The following TECTA variants were observed in gnomAD, a reference collection of about 807,000 sequenced individuals.
TECTA encodes tectorin alpha, also known as alpha-tectorin.
Under a neutral mutation model 216.8 loss-of-function variants are expected in TECTA, and 128 were observed. That is an observed-to-expected ratio of 0.59 (90% CI 0.51 to 0.68). The LOEUF is 0.68. TECTA is among the 30% of genes least tolerant of loss of function. TECTA has a pLI of 0.00. For synonymous variants in TECTA, 1,089 were observed against 1,117.1 expected, an observed-to-expected ratio of 0.97 and a Z score of 0.50; for missense variants, 2,551 against 2,786.2, an observed-to-expected ratio of 0.92 and a Z score of 1.90.
At chr11:121,162,766 C>T (rs1947014665) in intron 16 of TECTA, among the ~76,000 whole-genome samples, 1 of 152,166 alleles carries the variant, frequency 6.6e-6, no homozygotes, top group African/African-American at 2.4e-5. Flanking sequence ...AGGCACAGGG[C>T]AGGTGGAAGG....
chr11:121,110,455 G>A (rs1258561194), intron 4 of TECTA: 1 of 152,168 alleles, frequency 6.6e-6, no homozygotes, highest in Non-Finnish European at 1.5e-5. Context: ...TCACAGCTGC[G>A]ACACCACGAA....
chr11:121,142,630 G>A (rs900149825), intron 11 of TECTA, among the ~76,000 whole-genome samples: 44 of 152,294 alleles, frequency 2.9e-4, no homozygotes, highest in African/African-American at 9.9e-4. Flanking sequence ...AGCTGGCACC[G>A]ATCGGCCTCT....
Position 121,137,862 on chromosome 11 carries a change from C to G in TECTA, c.3383C>G (p.Thr1128Ser). ...ACCAGCTGCCCACTCATCCTGTGCACCACAGGAAGCAGGCCAAGCTCAGAC... is the reference window on the plus strand; with the variant it reads ...ACCAGCTGCCCACTCATCCTGTGCAGCACAGGAAGCAGGCCAAGCTCAGAC... ...FQTSCPLILC[T>S]TGSRPSSDSF... Residue 1128 changes from threonine (T) to serine (S), a missense_variant, in exon 11 of 24, where the codon ACC (threonine) becomes AGC (serine). Physicochemically the swap from Thr to Ser is moderately conservative, Grantham distance 58. Transcript: ENST00000392793. 1.2e-6 allele frequency: 2 copies of G among 1,605,832 alleles called. No individual in the cohort carries two copies. The highest frequency in any genetic ancestry group is 1.7e-6 in the Non-Finnish European group (2 of 1,173,508).
chr11:121,110,648 T>G (rs545346161), intron 4 of TECTA: 1 of 152,346 alleles, frequency 6.6e-6, no homozygotes, highest in African/African-American at 2.4e-5. Flanking sequence ...TGATGTTTTA[T>G]GTCCTTTAAG....
At chr11:121,133,204 G>C (rs1227671167) in intron 10 of TECTA, among the ~76,000 whole-genome samples, 1 of 152,118 alleles carries the variant, frequency 6.6e-6, no homozygotes, top group Non-Finnish European at 1.5e-5. Flanking sequence ...TTGTTCATTT[G>C]TTTTATCATT....
intron 20 of TECTA, among the ~76,000 whole-genome samples, chr11:121,179,681 T>A (rs1947205569): frequency 6.6e-6 from 1 of 152,166 alleles, no homozygotes; most frequent in Non-Finnish European, 1.5e-5. Flanking sequence ...TAATATTTGC[T>A]TTACATATTT....
chr11:121,178,904 ATTCT>A (rs892304127), intron 20 of TECTA, among the ~76,000 whole-genome samples: 8 of 152,042 alleles, frequency 5.3e-5, no homozygotes, highest in African/African-American at 1.7e-4. Flanking sequence ...GTCTGTAATG[ATTCT>A]TTGTATTTCT....
At chr11:121,182,075 C>G (rs1324508659) in intron 20 of TECTA, among the ~76,000 whole-genome samples, 3 of 152,154 alleles carry the variant, frequency 2.0e-5, no homozygotes, top group Admixed American at 2.0e-4. Flanking sequence ...TTGCTGGGGA[C>G]AGGGATGCCA....
In TECTA at chr11:121,119,012, C is replaced by CAT. The variant is rs1555122882; in HGVS notation, c.1203+295_1203+296insTA. Among the ~76,000 whole-genome samples, 18 of 87,604 alleles carry CAT rather than the reference C, an allele frequency of 2.1e-4. No homozygotes were observed. In the Admixed American group the frequency reaches 2.2e-3, roughly 10 times the overall value. The allele number at this position is 87,604 out of a possible 152,430, so 57.5% of individuals were successfully genotyped here. A position where few individuals can be genotyped will look rare whatever the true frequency, so the allele number is the denominator to read the frequency against. The stretch of plus-strand genomic sequence containing the variant: ...TGATAGGCACACACACACACACACA[C>CAT]ACACACACACACACACACACACACA... On this transcript the variant is annotated intron_variant, in intron 7 of 23. Transcript: ENST00000392793.
At chr11:121,149,510 A>G (rs1035612949) in intron 12 of TECTA, among the ~76,000 whole-genome samples, 5 of 152,238 alleles carry the variant, frequency 3.3e-5, no homozygotes, top group Middle Eastern at 3.2e-3. Context: ...TTTACGAATT[A>G]TATCTCATTT....
At position 121,113,837 on chromosome 11, in the gene TECTA, G is replaced by C; in HGVS notation, c.790+119G>C. Reference sequence around the variant, plus strand: ...TGCCTTACTCTTTTGACATCTCTCCGCTGGGTAATGGAGATCAAGGTAATT... The same window carrying C: ...TGCCTTACTCTTTTGACATCTCTCCCCTGGGTAATGGAGATCAAGGTAATT... On this transcript the variant is annotated intron_variant, in intron 6 of 23. Coordinates refer to ENST00000392793, the MANE Select transcript of TECTA (RefSeq NM_005422.4). The surrounding 1 kb of genome is among the most constrained non-coding windows in gnomAD (Gnocchi z 4.2). 1 of 1,202,810 alleles carries C rather than the reference G, an allele frequency of 8.3e-7. No homozygotes were observed. Among genetic ancestry groups the C allele is most frequent in the Non-Finnish European group, 1.2e-6 (1 of 834,766 alleles). The allele number at this position is 1,202,810 out of a possible 1,614,324, so 74.5% of individuals were successfully genotyped here. A position where few individuals can be genotyped will look rare whatever the true frequency, so the allele number is the denominator to read the frequency against.
At chr11:121,110,155 A>T (rs539326000) in intron 4 of TECTA, 1 of 154,900 alleles carries the variant, frequency 6.5e-6, no homozygotes, top group Non-Finnish European at 1.4e-5. Context: ...TATCACTGCC[A>T]TTATTGCAGA....
At chr11:121,126,895 A>G (rs1946618034) in intron 8 of TECTA, among the ~76,000 whole-genome samples, 1 of 152,168 alleles carries the variant, frequency 6.6e-6, no homozygotes, top group Non-Finnish European at 1.5e-5. Context: ...AGAGCATCCA[A>G]ATTACCTGAC....
Position 121,145,831 on chromosome 11 carries a change from G to A in TECTA, c.3820G>A (p.Asp1274Asn). ...GTTTGGGCAGAGCTGGGTGAAGAGG[G>A]ACACCTTCTGCCAGGTGGGCTGTGG... ...NEFGQSWVKR[D>N]TFCQVGCGDR... The change falls in exon 12 of 24, where the codon GAC becomes AAC. Residue 1274 changes from aspartate (D) to asparagine (N), a missense_variant. Asp to Asn is a conservative substitution (Grantham distance 23). Around this residue, in one of 3 missense-constraint regions of TECTA, gnomAD observed 2,375 missense variants for 2,563.9 expected, o/e 0.93. Transcript: ENST00000392793. The A allele has an allele frequency of 6.2e-7, 1 of 1,614,210 alleles. No homozygotes were observed. The highest frequency in any genetic ancestry group is 1.1e-5 in the South Asian group (1 of 91,082).
At chr11:121,112,273 A>G (rs1946448651) in intron 4 of TECTA, among the ~76,000 whole-genome samples, 1 of 152,356 alleles carries the variant, frequency 6.6e-6, no homozygotes, top group South Asian at 2.1e-4. Flanking sequence ...AAATGAAGAC[A>G]GCATGGAATG....
At chr11:121,175,612 C>G (rs1318880341) in intron 20 of TECTA, among the ~76,000 whole-genome samples, 5 of 152,088 alleles carry the variant, frequency 3.3e-5, no homozygotes, top group African/African-American at 4.8e-5. Flanking sequence ...TTACTTCCAA[C>G]TATGTGGTCA....
At chr11:121,151,710 T>C (rs1946891791) in intron 12 of TECTA, among the ~76,000 whole-genome samples, 1 of 148,740 alleles carries the variant, frequency 6.7e-6, no homozygotes, top group Non-Finnish European at 1.5e-5. Context: ...AAAAACATGG[T>C]ATATTGTGAG....
Position 121,145,759 on chromosome 11 carries a change from G to C in TECTA, c.3748G>C (p.Asp1250His), listed in dbSNP as rs773390351. ...TGGCCGCTACAACGGCAACCCTGATGATGACCTGGAGATGCCCATGGGTCT... is the reference window on the plus strand; with the variant it reads ...TGGCCGCTACAACGGCAACCCTGATCATGACCTGGAGATGCCCATGGGTCT... ...LCGRYNGNPDDDLEMPMGLLA... is the reference protein window; with the variant it reads ...LCGRYNGNPDHDLEMPMGLLA... The change falls in exon 12 of 24, where the codon GAT (aspartate) becomes CAT (histidine). Residue 1250 changes from aspartate (D) to histidine (H), a missense_variant. Physicochemically the swap from Asp to His is moderately conservative, Grantham distance 81. Around this residue, in one of 3 missense-constraint regions of TECTA, gnomAD observed 2,375 missense variants for 2,563.9 expected, o/e 0.93. Coordinates refer to ENST00000392793, the MANE Select transcript of TECTA (RefSeq NM_005422.4). 3 of 1,614,246 alleles carry C rather than the reference G, an allele frequency of 1.9e-6. No homozygotes were observed. The highest frequency in any genetic ancestry group is 4.5e-5 in the East Asian group (2 of 44,890).
intron 12 of TECTA, among the ~76,000 whole-genome samples, chr11:121,147,050 C>T: frequency 6.6e-6 from 1 of 152,146 alleles, no homozygotes. Flanking sequence ...ATTTACCTGC[C>T]TTTAGCACAT....
Sources: allele counts gnomAD v4.1 joint callset (sites outside exome capture counted in the v4.1 genomes callset), GRCh38; gene constraint gnomAD v4.1.1; regional missense constraint gnomAD v4.1.1; non-coding constraint Gnocchi (gnomAD v3.1); transcripts MANE v1.5; gene names NCBI Gene and HGNC (gene_info 2026-07-23, HGNC 2026-07-21).